Variants in CSMD3 observed in about 807,000 individuals in gnomAD.
The protein encoded by CSMD3 is CUB and Sushi multiple domains 3, also known as CUB and sushi domain-containing protein 3.
In CSMD3, 177 loss-of-function variants were observed where a neutral mutation model predicts 435.2. The observed-to-expected ratio is 0.41, with a 90% CI of 0.36 to 0.46. The LOEUF is 0.46. CSMD3 is among the 20% of genes least tolerant of loss of function. The pLI is 0.34. For synonymous variants in CSMD3, 1,656 were observed against 1,520.5 expected (o/e 1.09, Z -2.07); for missense variants, 4,265 against 4,504.6 (o/e 0.95, Z 1.52).
chr8:112,891,577 T>C (rs1027607471), intron 10 of CSMD3, among the ~76,000 whole-genome samples: 2 of 151,452 alleles, frequency 1.3e-5, no homozygotes, highest in African/African-American at 4.8e-5. Context: ...GCCTAGTTCA[T>C]TCATTTAGCA....
Position 112,525,819 on chromosome 8 carries a change from T to C in CSMD3, c.4565-8594A>G, listed in dbSNP as rs1486849065. ...ATGTATATATATATATACACACACA[T>C]ATAAAAAATATATATATATATATAC... On this transcript the variant is annotated intron_variant, in intron 27 of 70. Transcript: ENST00000297405. 3.5e-3 allele frequency among the ~76,000 whole-genome samples: 409 copies of C among 116,942 alleles called. 1 individual carries two copies. Among genetic ancestry groups the C allele is most frequent in the African/African-American group, 0.013 (392 of 30,084 alleles). 76.7% of individuals were successfully genotyped at this position (116,942 alleles called of 152,430 possible). A position where few individuals can be genotyped will look rare whatever the true frequency, so the allele number is the denominator to read the frequency against.
intron 7 of CSMD3, among the ~76,000 whole-genome samples, chr8:112,962,791 T>C (rs144739251): frequency 5.5e-4 from 84 of 152,052 alleles, no homozygotes; most frequent in Middle Eastern, 3.4e-3. Flanking sequence ...ATATTTCCCT[T>C]TCCAGGTCCA....
At position 112,779,406 on chromosome 8, in the gene CSMD3, G is replaced by A. The variant is rs971271789; in HGVS notation, c.1972+20756C>T. 3.9e-5 allele frequency among the ~76,000 whole-genome samples: 6 copies of A among 151,990 alleles called. No individual in the cohort carries two copies. The East Asian group carries it at 1.2e-3, about 29-fold the overall frequency. On this transcript the variant is annotated intron_variant, in intron 13 of 70. Coordinates refer to ENST00000297405, the MANE Select transcript of CSMD3 (RefSeq NM_198123.2). ...ATTTTAGGAAAAAAATGCAAGTAGA[G>A]CTTTAAAAATAGTTGTACAATTAAA...
chr8:112,871,049 C>G (rs916990484), intron 10 of CSMD3, among the ~76,000 whole-genome samples: 1 of 152,138 alleles, frequency 6.6e-6, no homozygotes. Flanking sequence ...AATCAAGGTA[C>G]AAGGTGTCCA....
intron 3 of CSMD3, among the ~76,000 whole-genome samples, chr8:113,216,077 C>T (rs72687652): frequency 0.066 from 9,987 of 151,506 alleles, 448 homozygotes; most frequent in Non-Finnish European, 0.094. Flanking sequence ...CCCAGCAGTC[C>T]TACATAGAGG....
intron 13 of CSMD3, among the ~76,000 whole-genome samples, chr8:112,759,990 G>T (rs1184245177): frequency 6.6e-6 from 1 of 152,034 alleles, no homozygotes; most frequent in Non-Finnish European, 1.5e-5. Context: ...CTGAGGCAAG[G>T]TAAGTAACTC....
intron 27 of CSMD3, among the ~76,000 whole-genome samples, chr8:112,548,602 T>A (rs1040952458): frequency 6.6e-6 from 1 of 152,138 alleles, no homozygotes; most frequent in Non-Finnish European, 1.5e-5. Context: ...AACCATATCT[T>A]ATATGGCTTT....
intron 5 of CSMD3, among the ~76,000 whole-genome samples, chr8:113,053,783 T>C (rs752303837): frequency 7.9e-5 from 12 of 152,308 alleles, no homozygotes; most frequent in Middle Eastern, 6.8e-3. Context: ...CTAATGTATC[T>C]GGTTTTATTT....
At chr8:113,052,724 G>A (rs1395254384) in intron 5 of CSMD3, among the ~76,000 whole-genome samples, 3 of 152,150 alleles carry the variant, frequency 2.0e-5, no homozygotes, top group African/African-American at 4.8e-5. Flanking sequence ...GTTAAAGTGA[G>A]CTGTTATCAT....
intron 16 of CSMD3, among the ~76,000 whole-genome samples, chr8:112,667,073 C>T (rs1019139320): frequency 6.6e-6 from 1 of 152,096 alleles, no homozygotes; most frequent in Non-Finnish European, 1.5e-5. Context: ...TCCCTAAGCT[C>T]ACACACAATT....
At chr8:112,733,729 C>T (rs2077124275) in intron 13 of CSMD3, among the ~76,000 whole-genome samples, 1 of 151,788 alleles carries the variant, frequency 6.6e-6, no homozygotes, top group South Asian at 2.1e-4. Context: ...AGAAAAAGAC[C>T]AGTGAGAGAG....
chr8:113,317,490 T>C (rs1384978101), intron 1 of CSMD3, among the ~76,000 whole-genome samples: 2 of 152,226 alleles, frequency 1.3e-5, no homozygotes, highest in Non-Finnish European at 1.5e-5. Flanking sequence ...TTTCGAGTAC[T>C]TTTATTTTTA....
At chr8:113,253,961 C>T (rs899023706) in intron 3 of CSMD3, among the ~76,000 whole-genome samples, 5 of 152,086 alleles carry the variant, frequency 3.3e-5, no homozygotes, top group Admixed American at 2.0e-4. Flanking sequence ...TATAACATTC[C>T]ACTTCAATTT....
chr8:113,365,697 G>C lies in CSMD3; in HGVS notation c.179-50904C>G, dbSNP rs138058970. ...ATTCACTGCCAGCAAACAAAAATCG[G>C]ACCTGAACATGGGTTTCTATCTGAC... On this transcript the variant is annotated intron_variant, in intron 1 of 70. Coordinates refer to ENST00000297405, the MANE Select transcript of CSMD3 (RefSeq NM_198123.2). 3.0e-3 allele frequency among the ~76,000 whole-genome samples: 461 copies of C among 152,090 alleles called. 2 individuals carry two copies. Among genetic ancestry groups the C allele is most frequent in the African/African-American group, 9.4e-3 (389 of 41,524 alleles).
chr8:112,803,018 C>T (rs967748243), intron 12 of CSMD3, among the ~76,000 whole-genome samples: 4 of 152,066 alleles, frequency 2.6e-5, no homozygotes, highest in African/African-American at 9.7e-5. Flanking sequence ...GGAATACATA[C>T]AAGTACCAAA....
intron 9 of CSMD3, among the ~76,000 whole-genome samples, chr8:112,937,009 A>C (rs2083299120): frequency 6.6e-6 from 1 of 152,140 alleles, no homozygotes; most frequent in African/African-American, 2.4e-5. Flanking sequence ...GGAGACCATG[A>C]AGGTAAAGTA....
rs188957926 is a variant in CSMD3 at position 112,544,802 on chromosome 8, C to T, written c.4564+5869G>A. 3.6e-3 allele frequency among the ~76,000 whole-genome samples: 543 copies of T among 152,234 alleles called. 1 individual carries two copies. The highest frequency in any genetic ancestry group is 0.013 in the African/African-American group (521 of 41,544). ...CAGAACTGACTTTCCTTTTGGACATCTTAGTGGATATCAGCTTTCTTAAGA... is the reference window on the plus strand; with the variant it reads ...CAGAACTGACTTTCCTTTTGGACATTTTAGTGGATATCAGCTTTCTTAAGA... On this transcript the variant is annotated intron_variant, in intron 27 of 70. Transcript: ENST00000297405.
At chr8:112,340,186 A>G (rs530801883) in intron 42 of CSMD3, among the ~76,000 whole-genome samples, 48 of 152,224 alleles carry the variant, frequency 3.2e-4, no homozygotes, top group Non-Finnish European at 5.9e-4. Flanking sequence ...TATCACAAAT[A>G]TGGTTCTGAG....
intron 2 of CSMD3, among the ~76,000 whole-genome samples, chr8:113,305,671 T>C (rs1163162088): frequency 2.0e-5 from 3 of 152,246 alleles, no homozygotes; most frequent in Non-Finnish European, 4.4e-5. Context: ...TACTCTGGAA[T>C]CCTTGCCTTA....
Sources: allele counts gnomAD v4.1 joint callset (sites outside exome capture counted in the v4.1 genomes callset), GRCh38; gene constraint gnomAD v4.1.1; transcripts MANE v1.5; gene names NCBI Gene and HGNC (gene_info 2026-07-23, HGNC 2026-07-21).